NWD2: variants seen among roughly 807,000 people sequenced by gnomAD.
The protein encoded by NWD2 is NACHT and WD repeat domain containing 2, also known as NACHT and WD repeat domain-containing protein 2.
In NWD2, 37 loss-of-function variants were observed where a neutral mutation model predicts 132.7. The ratio of observed to expected loss-of-function variants is 0.28; its 90% CI spans 0.21 to 0.37. The LOEUF (loss-of-function observed/expected upper bound fraction) is 0.37, where lower values mean the gene tolerates loss of function less well. Ranked by LOEUF, NWD2 falls within the 10% of genes least tolerant of loss-of-function variation. NWD2 has a pLI of 1.00. For synonymous variants in NWD2, 705 were observed against 803.0 expected (o/e 0.88, Z 2.06); for missense variants, 1,592 against 2,122.4 (o/e 0.75, Z 4.91).
chr4:37,359,313 T>C (rs1719932134), intron 3 of NWD2, among the ~76,000 whole-genome samples: 1 of 152,092 alleles, frequency 6.6e-6, no homozygotes, highest in African/African-American at 2.4e-5. Context: ...GATAAAACCC[T>C]GCAGATAGAG....
Position 37,319,816 on chromosome 4 carries a change from A to G in NWD2, c.152-6120A>G, listed in dbSNP as rs555450483. Among the ~76,000 whole-genome samples the G allele has an allele frequency of 2.0e-4, 31 of 152,070 alleles. No individual in the cohort carries two copies. In the South Asian group the frequency reaches 6.4e-3, roughly 32 times the overall value. ...CAGCTTTATTTCTGCATTCTCTATT[A>G]TGTTACGTTGGTCTATGTGCCTGTT... On this transcript the variant is annotated intron_variant, in intron 1 of 6. Transcript: ENST00000309447.
intron 3 of NWD2, among the ~76,000 whole-genome samples, chr4:37,398,028 T>C (rs550246567): frequency 1.3e-5 from 2 of 152,284 alleles, no homozygotes; most frequent in African/African-American, 4.8e-5. Flanking sequence ...ACTGAGTGAG[T>C]TGCACAGTTT....
chr4:37,317,687 A>C (rs536130428), intron 1 of NWD2, among the ~76,000 whole-genome samples: 23 of 152,200 alleles, frequency 1.5e-4, no homozygotes, highest in Non-Finnish European at 3.1e-4. Flanking sequence ...TGTTTGACAG[A>C]TCTTTAAAAT....
intron 1 of NWD2, among the ~76,000 whole-genome samples, chr4:37,266,478 G>A (rs1045644656): frequency 5.3e-5 from 8 of 152,066 alleles, no homozygotes. Context: ...CAGAAAGAAA[G>A]AGACCGTCTC....
chr4:37,414,904 T>C (rs927096641), intron 3 of NWD2, among the ~76,000 whole-genome samples: 3 of 152,214 alleles, frequency 2.0e-5, no homozygotes, highest in African/African-American at 7.2e-5. Context: ...TTGGATTCTA[T>C]ATTTTACAGA....
At chr4:37,246,703 A>C (rs1717251576) in intron 1 of NWD2, among the ~76,000 whole-genome samples, 1 of 152,248 alleles carries the variant, frequency 6.6e-6, no homozygotes, top group South Asian at 2.1e-4. Flanking sequence ...TTATGTTAGA[A>C]AATGTTTAAA....
chr4:37,330,447 A>G (rs1719269129), intron 2 of NWD2, among the ~76,000 whole-genome samples: 1 of 152,192 alleles, frequency 6.6e-6, no homozygotes, highest in Non-Finnish European at 1.5e-5. Flanking sequence ...AAAAGTAAAG[A>G]CAGACTGGGG....
intron 5 of NWD2, among the ~76,000 whole-genome samples, chr4:37,437,037 ATAT>A (rs1712340576): frequency 6.6e-6 from 1 of 152,202 alleles, no homozygotes; most frequent in South Asian, 2.1e-4. Flanking sequence ...TACTGAAAAA[ATAT>A]TATCACAAGA....
intron 1 of NWD2, among the ~76,000 whole-genome samples, chr4:37,320,214 G>A (rs1719040671): frequency 1.3e-5 from 2 of 152,084 alleles, no homozygotes; most frequent in Admixed American, 6.5e-5. Flanking sequence ...TCTGAGCATG[G>A]AAAGCAGTTT....
At chr4:37,332,556 A>T (rs1337089232) in intron 2 of NWD2, among the ~76,000 whole-genome samples, 2 of 152,058 alleles carry the variant, frequency 1.3e-5, no homozygotes, top group Non-Finnish European at 2.9e-5. Flanking sequence ...ACCAAGGACC[A>T]ATCCTGGGCT....
intron 3 of NWD2, among the ~76,000 whole-genome samples, chr4:37,418,755 T>C (rs1040635917): frequency 9.9e-5 from 15 of 152,244 alleles, no homozygotes; most frequent in Non-Finnish European, 2.2e-4. Context: ...TCTTCCATAA[T>C]GGTTGAATTA....
intron 1 of NWD2, among the ~76,000 whole-genome samples, chr4:37,264,811 T>A (rs895996095): frequency 2.0e-5 from 3 of 152,306 alleles, no homozygotes; most frequent in Non-Finnish European, 2.9e-5. Context: ...ATGTGTTTTT[T>A]AAATATTTTC....
At chr4:37,356,670 G>A (rs774471238) in intron 3 of NWD2, among the ~76,000 whole-genome samples, 188 bp downstream of exon 3, 4 of 152,204 alleles carry the variant, frequency 2.6e-5, no homozygotes, top group Non-Finnish European at 5.9e-5. Context: ...TCCATAAGAA[G>A]TGCTGCCAAT....
chr4:37,252,801 T>C (rs1033650482), intron 1 of NWD2, among the ~76,000 whole-genome samples: 3 of 152,104 alleles, frequency 2.0e-5, no homozygotes, highest in African/African-American at 7.2e-5. Flanking sequence ...AGAAAGGAAA[T>C]GGAAGCTGCC....
intron 2 of NWD2, among the ~76,000 whole-genome samples, chr4:37,353,564 T>A (rs1719812804): frequency 6.6e-6 from 1 of 152,030 alleles, no homozygotes; most frequent in South Asian, 2.1e-4. Context: ...TTTTCTCTAA[T>A]CTTGTCTTCA....
intron 1 of NWD2, among the ~76,000 whole-genome samples, chr4:37,315,259 G>A (rs1718934716): frequency 6.6e-6 from 1 of 151,980 alleles, no homozygotes; most frequent in South Asian, 2.1e-4. Flanking sequence ...TGCTCTCTTG[G>A]GGGTGGATTG....
chr4:37,347,635 C>T (rs184490706), intron 2 of NWD2, among the ~76,000 whole-genome samples: 29 of 152,140 alleles, frequency 1.9e-4, no homozygotes, highest in African/African-American at 7.0e-4. Context: ...CCTTTTCCTC[C>T]CTTTTGTGCT....
At chr4:37,259,149 G>A (rs1161558915) in intron 1 of NWD2, among the ~76,000 whole-genome samples, 1 of 152,198 alleles carries the variant, frequency 6.6e-6, no homozygotes, top group African/African-American at 2.4e-5. Context: ...GCACTGCCCA[G>A]TGTTTATGAG....
At chr4:37,305,418 A>T (rs1479457639) in intron 1 of NWD2, among the ~76,000 whole-genome samples, 2 of 152,246 alleles carry the variant, frequency 1.3e-5, no homozygotes, top group African/African-American at 4.8e-5. Flanking sequence ...TTTCTTTTCT[A>T]CTACATGGTC....
Sources: allele counts gnomAD v4.1 joint callset (sites outside exome capture counted in the v4.1 genomes callset), GRCh38; gene constraint gnomAD v4.1.1; transcripts MANE v1.5; gene names NCBI Gene and HGNC (gene_info 2026-07-23, HGNC 2026-07-21).